The following RGS3 variants were observed in gnomAD, a reference collection of about 807,000 sequenced individuals.
RGS3 encodes regulator of G protein signaling 3.
RGS3 carries 80 observed loss-of-function variants against 132.6 expected under a neutral mutation model. The observed-to-expected ratio is 0.60, with a 90% CI of 0.50 to 0.73. The LOEUF (loss-of-function observed/expected upper bound fraction) is 0.73. RGS3 is among the 30% of genes least tolerant of loss of function. The probability of loss-of-function intolerance (pLI) is 0.00; values close to 1 mark genes in which losing one functional copy is unlikely to be tolerated. For synonymous variants in RGS3, 598 were observed against 620.6 expected, an observed-to-expected ratio of 0.96 and a Z score of 0.54; for missense variants, 1,382 against 1,530.8, an observed-to-expected ratio of 0.90 and a Z score of 1.62.
intron 3 of RGS3, among the ~76,000 whole-genome samples, chr9:113,476,179 T>G (rs936584277): frequency 4.6e-5 from 7 of 152,128 alleles, no homozygotes; most frequent in African/African-American, 1.7e-4. Context: ...AATCTGAAGG[T>G]TGTGTTGGCA....
At chr9:113,501,742 C>T in intron 10 of RGS3, 1 of 1,123,536 alleles carries the variant, frequency 8.9e-7, no homozygotes, top group Non-Finnish European at 1.3e-6. Context: ...CTTTCCTGCT[C>T]CCTGCAGGCT....
intron 19 of RGS3, among the ~76,000 whole-genome samples, chr9:113,563,514 T>C (rs1041595145): frequency 2.0e-5 from 3 of 152,256 alleles, no homozygotes; most frequent in East Asian, 3.9e-4. Context: ...GCCAGCCTCA[T>C]TGGTGATTGT....
chr9:113,447,349 A>G (rs943324542), intron 1 of RGS3, among the ~76,000 whole-genome samples: 5 of 112,828 alleles, frequency 4.4e-5, no homozygotes, highest in African/African-American at 1.2e-4. Context: ...ATATATATAT[A>G]TATATATATA....
intron 24 of RGS3, among the ~76,000 whole-genome samples, chr9:113,596,123 T>G (rs1403392904): frequency 1.3e-5 from 2 of 152,162 alleles, no homozygotes; most frequent in Admixed American, 6.5e-5. Context: ...TCACTTGAGG[T>G]CAGGAGTTCG....
chr9:113,479,362 A>C, intron 3 of RGS3, 129 bp from the exon 2 acceptor site: 4 of 948,370 alleles, frequency 4.2e-6, no homozygotes, highest in Non-Finnish European at 6.7e-6. Flanking sequence ...CCTGCCAGCC[A>C]GAGACTTGTG....
At chr9:113,559,667 T>G (rs1195322692) in intron 19 of RGS3, among the ~76,000 whole-genome samples, 1 of 152,222 alleles carries the variant, frequency 6.6e-6, no homozygotes, top group Non-Finnish European at 1.5e-5. Flanking sequence ...AGCATGGGCC[T>G]GGGAGCCATG....
At chr9:113,536,466 G>C in intron 18 of RGS3, 1 of 1,028,400 alleles carries the variant, frequency 9.7e-7, no homozygotes, top group Non-Finnish European at 1.2e-6. Context: ...TGCTCCCTCA[G>C]CTGCTGCTTT....
At chr9:113,515,032 G>A (rs1831584611) in intron 15 of RGS3, among the ~76,000 whole-genome samples, 1 of 152,180 alleles carries the variant, frequency 6.6e-6, no homozygotes, top group South Asian at 2.1e-4. Flanking sequence ...AACTGAGGGA[G>A]ACCCTTGGGG....
chr9:113,445,928 C>A (rs1040437930), intron 1 of RGS3, among the ~76,000 whole-genome samples: 14 of 152,178 alleles, frequency 9.2e-5, no homozygotes, highest in Admixed American at 8.5e-4. Flanking sequence ...ATCCGCCCAC[C>A]TTGAGCTCCC....
At chr9:113,459,017 T>C (rs1400691411), upstream of RGS3, among the ~76,000 whole-genome samples, 1 of 152,240 alleles carries the variant, frequency 6.6e-6, no homozygotes, top group Admixed American at 6.5e-5. Flanking sequence ...TCCCAAAGTG[T>C]TGGGATGACA....
At chr9:113,516,998 G>A (rs1344744531) in intron 15 of RGS3, among the ~76,000 whole-genome samples, 1 of 152,250 alleles carries the variant, frequency 6.6e-6, no homozygotes, top group African/African-American at 2.4e-5. Context: ...CAAGGTGAGG[G>A]AGTAGGGTGA....
intron 17 of RGS3, among the ~76,000 whole-genome samples, chr9:113,523,630 A>AACCCAAACTTTCC (rs1247344027): frequency 1.3e-5 from 2 of 151,940 alleles, no homozygotes; most frequent in Non-Finnish European, 2.9e-5. Flanking sequence ...GGGAATTTCT[A>AACCCAAACTTTCC]ACCCAAACTT....
At chr9:113,540,958 C>G (rs147241923) in intron 19 of RGS3, among the ~76,000 whole-genome samples, 1 of 152,340 alleles carries the variant, frequency 6.6e-6, no homozygotes, top group East Asian at 1.9e-4. Flanking sequence ...TTCTCACTGT[C>G]ATGGTTTTAA....
intron 4 of RGS3, 115 bp from the exon 3 acceptor site, chr9:113,482,944 T>G: frequency 1.3e-6 from 2 of 1,577,042 alleles, no homozygotes; most frequent in Admixed American, 3.7e-5. Context: ...GATACGCTTT[T>G]CTTTTCAGGT....
At chr9:113,462,099 A>G (rs1463831587) in exon 3 of RGS3, 1 of 1,614,048 alleles carries the variant, frequency 6.2e-7, no homozygotes, top group Non-Finnish European at 8.5e-7. Flanking sequence ...CCCTGGCTGG[A>G]TGGAGTGGCT....
intron 3 of RGS3, among the ~76,000 whole-genome samples, chr9:113,467,868 C>T (rs956635851): frequency 5.9e-5 from 9 of 152,072 alleles, no homozygotes; most frequent in Non-Finnish European, 1.2e-4. Flanking sequence ...ATGTGCACCA[C>T]CATGCCTGGC....
intron 18 of RGS3, among the ~76,000 whole-genome samples, chr9:113,531,376 T>C (rs1832456784): frequency 6.6e-6 from 1 of 152,232 alleles, no homozygotes. Flanking sequence ...TCTGCCATTT[T>C]CTGAGTGATC....
chr9:113,551,818 C>T (rs1833353189), intron 19 of RGS3, among the ~76,000 whole-genome samples: 1 of 152,168 alleles, frequency 6.6e-6, no homozygotes, highest in Non-Finnish European at 1.5e-5. Context: ...AAGATCATGC[C>T]ACTGCACTCC....
intron 24 of RGS3, among the ~76,000 whole-genome samples, chr9:113,596,156 G>A (rs530420060): frequency 1.4e-4 from 21 of 152,344 alleles, no homozygotes; most frequent in Non-Finnish European, 2.5e-4. Context: ...CCAACAGGGC[G>A]AAACCCCATC....
Sources: allele counts gnomAD v4.1 joint callset (sites outside exome capture counted in the v4.1 genomes callset), GRCh38; gene constraint gnomAD v4.1.1; transcripts MANE v1.5; gene names NCBI Gene and HGNC (gene_info 2026-07-23, HGNC 2026-07-21).